RAI1: variants seen among roughly 807,000 people sequenced by gnomAD.
RAI1 encodes retinoic acid-induced protein 1.
In RAI1, 9 loss-of-function variants were observed where a neutral mutation model predicts 123.8. The observed-to-expected ratio is 0.07, with a 90% CI of 0.04 to 0.13. The LOEUF (loss-of-function observed/expected upper bound fraction) is 0.13. RAI1 is among the 10% of genes least tolerant of loss of function. RAI1 has a pLI of 1.00. For missense variants in RAI1, 2,256 were observed against 2,545.8 expected, an observed-to-expected ratio of 0.89 and a Z score of 2.45; for synonymous variants, 1,231 against 1,127.3, an observed-to-expected ratio of 1.09 and a Z score of -1.84.
At chr17:17,715,903 G>T (rs1041450412) in intron 1 of RAI1, among the ~76,000 whole-genome samples, 2 of 152,188 alleles carry the variant, frequency 1.3e-5, no homozygotes, top group Non-Finnish European at 2.9e-5. Context: ...TCCGTTCCGT[G>T]CCCTCCTATG....
rs2032465716 is a variant in RAI1, at chr17:17,801,653, G to A, written c.5566-2103G>A. On this transcript the variant is annotated intron_variant, in intron 3 of 5. Coordinates refer to ENST00000353383, the MANE Select transcript of RAI1 (RefSeq NM_030665.4). This position sits in a 1 kb window ranked among gnomAD's most constrained non-coding sequence, Gnocchi z 4.1. ...GGGAAGGAGGCCTCAGCCCTGAGCTGAAAACCTGAAATTCTAGAATAAACC... is the reference window on the plus strand; with the variant it reads ...GGGAAGGAGGCCTCAGCCCTGAGCTAAAAACCTGAAATTCTAGAATAAACC... Among the ~76,000 whole-genome samples the A allele has an allele frequency of 6.6e-6, 1 of 152,238 alleles. No homozygotes were observed. The highest frequency in any genetic ancestry group is 1.5e-5 in the Non-Finnish European group (1 of 68,040).
intron 2 of RAI1, among the ~76,000 whole-genome samples, chr17:17,790,009 T>A (rs1434940858): frequency 6.6e-6 from 1 of 152,044 alleles, no homozygotes; most frequent in Non-Finnish European, 1.5e-5. Context: ...GGTTCAAAGG[T>A]CACCATCGTT....
At chr17:17,687,231 G>A (rs899504857) in intron 1 of RAI1, among the ~76,000 whole-genome samples, 9 of 152,190 alleles carry the variant, frequency 5.9e-5, no homozygotes, top group Non-Finnish European at 8.8e-5. Context: ...AGGAGAGGAG[G>A]GTGGAGCAGG....
intron 2 of RAI1, among the ~76,000 whole-genome samples, chr17:17,769,188 G>T (rs973544573): frequency 6.6e-6 from 1 of 152,244 alleles, no homozygotes; most frequent in African/African-American, 2.4e-5. Flanking sequence ...TGCTGGCGTG[G>T]TCTCCTCACA....
intron 1 of RAI1, among the ~76,000 whole-genome samples, chr17:17,690,539 C>T (rs1210875052): frequency 2.0e-5 from 3 of 152,194 alleles, no homozygotes; most frequent in African/African-American, 7.2e-5. Context: ...CCGTTTCCTC[C>T]TTCATCAAAG....
chr17:17,797,176 G>A lies in RAI1; in HGVS notation c.4228G>A (p.Gly1410Ser), dbSNP rs774984414. ...AAATCCAACCAACAGATCCTTAAAA[G>A]GCAAACTCATGAACAGTAAGAAACT... The part of the protein sequence containing the change: ...CRNPTNRSLK[G>S]KLMNSKKLSS... Residue 1410 changes from glycine (G) to serine (S), a missense_variant, in exon 3 of 6, where the codon GGC becomes AGC. Coordinates refer to ENST00000353383, the MANE Select transcript of RAI1 (RefSeq NM_030665.4). The A allele has an allele frequency of 9.3e-6, 15 of 1,613,974 alleles. No homozygotes were observed. The highest frequency in any genetic ancestry group is 1.6e-4 in the Middle Eastern group (1 of 6,062).
At position 17,685,648 on chromosome 17, in the gene RAI1, C is replaced by A. The variant is rs1418358931; in HGVS notation, c.-149+3855C>A. Among the ~76,000 whole-genome samples, 2 of 152,180 alleles carry A rather than the reference C, an allele frequency of 1.3e-5. No individual in the cohort carries two copies. The highest frequency in any genetic ancestry group is 2.9e-5 in the Non-Finnish European group (2 of 68,028). On this transcript the variant is annotated intron_variant, in intron 1 of 5. Coordinates refer to ENST00000353383, the MANE Select transcript of RAI1 (RefSeq NM_030665.4). This position sits in a 1 kb window ranked among gnomAD's most constrained non-coding sequence, Gnocchi z 4.0. ...ACTGGCCTCCCTGCCTCCATCCTGT[C>A]CCCTCCCAGGTGCTGGCCAGCAGCA...
intron 1 of RAI1, among the ~76,000 whole-genome samples, chr17:17,700,554 C>G (rs1242682677): frequency 6.6e-6 from 1 of 152,148 alleles, no homozygotes; most frequent in African/African-American, 2.4e-5. Flanking sequence ...GGGCCTGAGG[C>G]GCGGCCGGCC....
intron 2 of RAI1, among the ~76,000 whole-genome samples, chr17:17,738,165 G>A (rs1182745645): frequency 6.6e-6 from 1 of 152,106 alleles, no homozygotes; most frequent in Admixed American, 6.5e-5. Context: ...AGCTGCCATG[G>A]GAAGGTTGGG....
chr17:17,738,328 G>A (rs1001068424), intron 2 of RAI1, among the ~76,000 whole-genome samples: 2 of 151,304 alleles, frequency 1.3e-5, no homozygotes, highest in African/African-American at 4.9e-5. Flanking sequence ...TGGTGTGAGT[G>A]GGGCGGGCTG....
intron 2 of RAI1, among the ~76,000 whole-genome samples, chr17:17,735,026 A>G (rs2142956403): frequency 6.6e-6 from 1 of 151,462 alleles, no homozygotes; most frequent in Admixed American, 6.6e-5. Flanking sequence ...TGACATAGAA[A>G]GGTTTCAGTT....
At chr17:17,683,211 T>C (rs1914504976) in intron 1 of RAI1, among the ~76,000 whole-genome samples, 1 of 152,210 alleles carries the variant, frequency 6.6e-6, no homozygotes, top group African/African-American at 2.4e-5. Context: ...TACTTCTTTT[T>C]ATTTTATCTT....
At chr17:17,784,684 C>T (rs1321669729) in intron 2 of RAI1, among the ~76,000 whole-genome samples, 1 of 152,176 alleles carries the variant, frequency 6.6e-6, no homozygotes, top group East Asian at 1.9e-4. Flanking sequence ...GTGGCAGACC[C>T]ATGGGCCTCA....
At chr17:17,803,159 C>T (rs1234138027) in intron 3 of RAI1, among the ~76,000 whole-genome samples, 1 of 151,100 alleles carries the variant, frequency 6.6e-6, no homozygotes, top group African/African-American at 2.4e-5. Context: ...CAGAAGCATG[C>T]AGCAGATGCT....
At chr17:17,692,952 T>C (rs552688711) in intron 1 of RAI1, among the ~76,000 whole-genome samples, 3 of 152,282 alleles carry the variant, frequency 2.0e-5, no homozygotes, top group Non-Finnish European at 2.9e-5. Flanking sequence ...GGTTTCTTTA[T>C]TTGAAAGGGG....
intron 4 of RAI1, among the ~76,000 whole-genome samples, chr17:17,805,213 A>G (rs775404402): frequency 5.3e-5 from 8 of 152,148 alleles, no homozygotes; most frequent in Non-Finnish European, 1.2e-4. Context: ...ATACCTCTGC[A>G]CACAGTTTCC....
Position 17,810,202 on chromosome 17 carries a change from G to A in RAI1, c.*221G>A. The A allele has an allele frequency of 3.1e-6, 2 of 648,680 alleles. No individual in the cohort carries two copies. Among genetic ancestry groups the A allele is most frequent in the South Asian group, 2.0e-5 (1 of 48,954 alleles). 40.2% of individuals were successfully genotyped at this position (648,680 alleles called of 1,614,324 possible). On this transcript the variant is annotated 3_prime_UTR_variant, in exon 6 of 6. Transcript: ENST00000353383. The surrounding 1 kb of genome is among the most constrained non-coding windows in gnomAD (Gnocchi z 4.6). ...ACCCGTTCCGGAGCCGCCTGCTCCCGGAACCGGACGGCACAGGGCGTTCTT... is the reference window on the plus strand; with the variant it reads ...ACCCGTTCCGGAGCCGCCTGCTCCCAGAACCGGACGGCACAGGGCGTTCTT...
chr17:17,724,490 T>C (rs1050235669), intron 2 of RAI1, among the ~76,000 whole-genome samples: 6 of 146,058 alleles, frequency 4.1e-5, no homozygotes, highest in Admixed American at 2.8e-4. Context: ...CCACAAAGCA[T>C]TGGTGAGCGG....
At position 17,809,054 on chromosome 17, in the gene RAI1, G is replaced by A. The variant is rs1009298633; in HGVS notation, c.5660-336G>A. On this transcript the variant is annotated intron_variant, in intron 4 of 5. Coordinates refer to ENST00000353383, the MANE Select transcript of RAI1 (RefSeq NM_030665.4). This position sits in a 1 kb window ranked among gnomAD's most constrained non-coding sequence, Gnocchi z 4.9. ...ATCACACAGGCCAGTCTCTTAGGAG[G>A]CAGTGACAAGTGTGGCTGGCAGAGT... The A allele has an allele frequency of 9.5e-6, 4 of 421,124 alleles. No homozygotes were observed. The highest frequency in any genetic ancestry group is 3.6e-5 in the Admixed American group (1 of 27,662). The allele number at this position is 421,124 out of a possible 1,614,324, so 26.1% of individuals were successfully genotyped here.
Sources: gnomAD v4.1 joint callset for allele counts (sites outside exome capture counted in the v4.1 genomes callset) on GRCh38, gnomAD v4.1.1 for gene constraint, Gnocchi (gnomAD v3.1) non-coding constraint, MANE v1.5 for transcripts, NCBI Gene and HGNC (gene_info 2026-07-23, HGNC 2026-07-21) for gene names.